AZIN2: variants seen among roughly 807,000 people sequenced by gnomAD.
The protein encoded by AZIN2 is antizyme inhibitor 2.
AZIN2 carries 28 observed loss-of-function variants against 47.8 expected under a neutral mutation model. That is an observed-to-expected ratio of 0.59 (90% confidence interval 0.43 to 0.80). AZIN2 has a LOEUF of 0.80. Ranked by LOEUF, AZIN2 falls within the 30% of genes least tolerant of loss-of-function variation. The pLI is 0.00. For synonymous variants in AZIN2, 221 were observed against 239.4 expected (o/e 0.92, Z 0.71); for missense variants, 535 against 582.5 (o/e 0.92, Z 0.84).
chr1:33,090,309 G>T (rs1216966215), intron 5 of AZIN2, among the ~76,000 whole-genome samples: 1 of 152,214 alleles, frequency 6.6e-6, no homozygotes, highest in Non-Finnish European at 1.5e-5. Flanking sequence ...GGGCCTGCTT[G>T]TGGTAGGTGC....
intron 8 of AZIN2, among the ~76,000 whole-genome samples, chr1:33,096,441 A>G (rs1643159582): frequency 6.6e-6 from 1 of 152,202 alleles, no homozygotes; most frequent in African/African-American, 2.4e-5. Flanking sequence ...CTGAGTACCA[A>G]GTGTGATATG....
At chr1:33,135,016 G>A in the AZIN2 span, among the ~76,000 whole-genome samples, 10 of 152,274 alleles carry the variant, frequency 6.6e-5, no homozygotes, top group East Asian at 1.5e-3. Flanking sequence ...TCTGGGCGCC[G>A]TGGCTCATGC....
intron 8 of AZIN2, among the ~76,000 whole-genome samples, chr1:33,095,904 C>G (rs1157425259): frequency 1.3e-5 from 2 of 152,162 alleles, no homozygotes; most frequent in African/African-American, 2.4e-5. Flanking sequence ...GTGGCACAAT[C>G]TTGGCTCACT....
the AZIN2 span, chr1:33,158,169 C>A: frequency 2.3e-6 from 3 of 1,279,638 alleles, no homozygotes; most frequent in Non-Finnish European, 3.4e-6. Flanking sequence ...ACCCCAACTG[C>A]CCCATGCTGT....
chr1:33,100,381 A>C (rs1209731895), intron 10 of AZIN2, among the ~76,000 whole-genome samples: 5 of 151,782 alleles, frequency 3.3e-5, no homozygotes, highest in Non-Finnish European at 7.4e-5. Context: ...TTGGCTCAAG[A>C]TATACTTCTT....
At chr1:33,152,107 G>T in the AZIN2 span, among the ~76,000 whole-genome samples, 2 of 152,224 alleles carry the variant, frequency 1.3e-5, no homozygotes, top group African/African-American at 4.8e-5. Flanking sequence ...GGCACAAATT[G>T]TTCTAGCCAT....
the AZIN2 span, among the ~76,000 whole-genome samples, chr1:33,136,113 C>CCCTTTCCTT: frequency 2.6e-3 from 273 of 103,570 alleles, 2 homozygotes; most frequent in African/African-American, 0.01. Context: ...CAGGGGCCAG[C>CCCTTTCCTT]CCTTCCTTCC....
the AZIN2 span, chr1:33,143,025 C>G: frequency 2.6e-5 from 4 of 152,218 alleles, no homozygotes; most frequent in Non-Finnish European, 4.4e-5. Context: ...TCATTTTTAT[C>G]TGTCCTGGGT....
Position 33,120,241 on chromosome 1 carries a change from G to A in AZIN2, c.*59G>A. 1.3e-6 allele frequency: 2 copies of A among 1,545,316 alleles called. No homozygotes were observed. The highest frequency in any genetic ancestry group is 8.8e-7 in the Non-Finnish European group (1 of 1,141,212). ...GGCCTCAGAGATGCATCTGGGAGAG[G>A]TGGGGAAGATGGCAGGCAAGGGTAC... On this transcript the variant is annotated 3_prime_UTR_variant, in exon 12 of 12. Transcript: ENST00000294517.
At chr1:33,089,479 A>G (rs1013097065) in intron 5 of AZIN2, among the ~76,000 whole-genome samples, 3 of 152,274 alleles carry the variant, frequency 2.0e-5, no homozygotes, top group African/African-American at 4.8e-5. Flanking sequence ...TCAAAGCTCA[A>G]TCACAGGTCC....
At chr1:33,096,624 A>C in intron 8 of AZIN2, 83 bp from the exon 9 acceptor site, 4 of 1,528,334 alleles carry the variant, frequency 2.6e-6, no homozygotes, top group Non-Finnish European at 3.6e-6. Flanking sequence ...GCTTTCAAGA[A>C]ATAGACTTGG....
At chr1:33,094,835 T>G in intron 8 of AZIN2, 122 bp downstream of exon 8, 1 of 1,044,614 alleles carries the variant, frequency 9.6e-7, no homozygotes, top group Non-Finnish European at 1.4e-6. Context: ...GCTTGGTGCT[T>G]ACCTGGGTGA....
At chr1:33,091,978 T>C in intron 5 of AZIN2, 72 bp from the exon 6 acceptor site, 2 of 1,547,530 alleles carry the variant, frequency 1.3e-6, no homozygotes, top group Non-Finnish European at 1.8e-6. Context: ...TTTGCCCTCA[T>C]CTGTGCTTCC....
the AZIN2 span, chr1:33,147,199 C>A: frequency 6.2e-7 from 1 of 1,613,614 alleles, no homozygotes; most frequent in Non-Finnish European, 8.5e-7. This position sits in a 1 kb window ranked among gnomAD's most constrained non-coding sequence, Gnocchi z 8.1. Flanking sequence ...GGTGTTGATC[C>A]GCAGCGGCTG....
Position 33,083,893 on chromosome 1 carries a change from A to G in AZIN2, c.106-61A>G, listed in dbSNP as rs746260365. The G allele has an allele frequency of 3.1e-6, 5 of 1,595,176 alleles. No individual in the cohort carries two copies. In the South Asian group the frequency reaches 4.4e-5, roughly 14 times the overall value. On this transcript the variant is annotated intron_variant, in intron 4 of 11. Coordinates refer to ENST00000294517, the MANE Select transcript of AZIN2 (RefSeq NM_052998.4). ...GGTCAGGTACTTGGAAGGATCACGG[A>G]TGGCATGCACAGGGTGCGAGCTGGA...
the AZIN2 span, among the ~76,000 whole-genome samples, chr1:33,134,120 T>A: frequency 2.0e-5 from 3 of 152,210 alleles, no homozygotes; most frequent in African/African-American, 7.2e-5. Flanking sequence ...CCCACAAGCA[T>A]GCTCTGAACA....
chr1:33,160,517 G>A, the AZIN2 span, among the ~76,000 whole-genome samples: 57 of 152,066 alleles, frequency 3.7e-4, no homozygotes, highest in Admixed American at 2.4e-3. Context: ...CGATTCTCCA[G>A]CCTCAGCCTC....
At chr1:33,086,402 G>T (rs1433621071) in intron 5 of AZIN2, among the ~76,000 whole-genome samples, 3 of 152,152 alleles carry the variant, frequency 2.0e-5, no homozygotes, top group Non-Finnish European at 4.4e-5. Flanking sequence ...GCCAGTGATG[G>T]ATGCCCTCAG....
Position 33,117,991 on chromosome 1 carries a change from G to A in AZIN2, c.1119G>A (p.Leu373=). 2.5e-6 allele frequency: 4 copies of A among 1,609,848 alleles called. No individual in the cohort carries two copies. Among genetic ancestry groups the A allele is most frequent in the Non-Finnish European group, 3.4e-6 (4 of 1,177,852 alleles). ...GCDCVAEGLW[L]PQLHVGDWLV... is the part of the protein sequence containing the mutation. Reference sequence around the variant, plus strand: ...ATTGCGTGGCTGAGGGCCTGTGGCTGCCGCAACTACACGTAGGGGACTGGC... The same window carrying A: ...ATTGCGTGGCTGAGGGCCTGTGGCTACCGCAACTACACGTAGGGGACTGGC... Residue 373 remains leucine (L), a synonymous_variant, in exon 11 of 12, where the codon CTG becomes CTA. Transcript: ENST00000294517.
Sources: gnomAD v4.1 joint callset for allele counts (sites outside exome capture counted in the v4.1 genomes callset) on GRCh38, gnomAD v4.1.1 for gene constraint, Gnocchi (gnomAD v3.1) non-coding constraint, MANE v1.5 for transcripts, NCBI Gene and HGNC (gene_info 2026-07-23, HGNC 2026-07-21) for gene names.